The following MTIF2 variants were observed in gnomAD, a reference collection of about 807,000 sequenced individuals.
MTIF2 encodes the protein translation initiation factor IF-2, mitochondrial.
MTIF2 carries 71 observed loss-of-function variants against 83.5 expected under a neutral mutation model. The ratio of observed to expected loss-of-function variants is 0.85; its 90% CI spans 0.70 to 1.04. The LOEUF (loss-of-function observed/expected upper bound fraction) is 1.04, where lower values mean the gene tolerates loss of function less well. Ranked by LOEUF, MTIF2 falls within the 50% of genes least tolerant of loss-of-function variation. The pLI is 0.00. For synonymous variants in MTIF2, 319 were observed against 287.1 expected (o/e 1.11, Z -1.12); for missense variants, 957 against 846.5 (o/e 1.13, Z -1.62).
At chr2:55,251,843 G>A (rs1379197251) in intron 8 of MTIF2, among the ~76,000 whole-genome samples, 2 of 152,092 alleles carry the variant, frequency 1.3e-5, no homozygotes, top group Admixed American at 6.5e-5. Context: ...GGCTGGTCTC[G>A]AACTCCCAAT....
chr2:55,248,181 G>T (rs543086740), intron 9 of MTIF2, among the ~76,000 whole-genome samples: 1 of 152,174 alleles, frequency 6.6e-6, no homozygotes. Context: ...AAGTCACTGC[G>T]CCTGGCCAAA....
Position 55,236,659 on chromosome 2 carries a change from G to A in MTIF2, c.2173C>T (p.Pro725Ser), listed in dbSNP as rs373573131. The change falls in exon 16 of 16, where the codon CCA (proline) becomes TCA (serine). Residue 725 changes from proline (P) to serine (S), a missense_variant. Around this residue, in one of 3 missense-constraint regions of MTIF2, gnomAD observed 221 missense variants for 180.6 expected, o/e 1.22. Coordinates refer to ENST00000263629, the MANE Select transcript of MTIF2 (RefSeq NM_002453.3). ...TTTTTAATGTAATTTTAAAATCCTG[G>A]ATCCCAAGAAGTCTTGGCTTGAATT... Reference protein sequence around the residue: ...KQIQAKTSWDPGF With the variant: ...KQIQAKTSWDSGF 2 of 1,585,550 alleles carry A rather than the reference G, an allele frequency of 1.3e-6. No homozygotes were observed. Among genetic ancestry groups the A allele is most frequent in the Non-Finnish European group, 1.7e-6 (2 of 1,171,446 alleles).
At position 55,253,531 on chromosome 2, in the gene MTIF2, A is replaced by G. The variant is rs543394858; in HGVS notation, c.664+510T>C. ...CCGTCTCTACTAAAAATACAAAAAAATTAAGCCAGGCACGATGGCTCACAC... is the reference window on the plus strand; with the variant it reads ...CCGTCTCTACTAAAAATACAAAAAAGTTAAGCCAGGCACGATGGCTCACAC... On this transcript the variant is annotated intron_variant, in intron 7 of 15. Transcript: ENST00000263629. 5.9e-5 allele frequency among the ~76,000 whole-genome samples: 9 copies of G among 151,898 alleles called. No individual in the cohort carries two copies. In the South Asian group the frequency reaches 1.9e-3, roughly 32 times the overall value.
intron 5 of MTIF2, among the ~76,000 whole-genome samples, chr2:55,258,298 C>G (rs1407753104): frequency 2.0e-5 from 3 of 152,178 alleles, no homozygotes; most frequent in African/African-American, 4.8e-5. Flanking sequence ...CCCAAGGAAA[C>G]ACATTTTAAG....
intron 9 of MTIF2, among the ~76,000 whole-genome samples, chr2:55,248,411 T>C (rs551556830): frequency 5.3e-5 from 8 of 152,188 alleles, no homozygotes; most frequent in Non-Finnish European, 1.0e-4. Flanking sequence ...AGGAAGGTGG[T>C]AGAGTAACCC....
intron 5 of MTIF2, among the ~76,000 whole-genome samples, chr2:55,261,273 T>A (rs970661731): frequency 6.6e-6 from 1 of 152,188 alleles, no homozygotes; most frequent in African/African-American, 2.4e-5. Context: ...GCCTGGCTAC[T>A]ACCAGTATTT....
intron 14 of MTIF2, among the ~76,000 whole-genome samples, chr2:55,238,668 G>A (rs902007356): frequency 7.9e-5 from 12 of 152,172 alleles, no homozygotes; most frequent in East Asian, 3.8e-4. Context: ...TGGGATTACA[G>A]GCATGAGCCA....
chr2:55,242,918 CA>C, intron 13 of MTIF2, 21 bp downstream of exon 13: 10 of 1,595,430 alleles, frequency 6.3e-6, no homozygotes, highest in Non-Finnish European at 8.5e-6. Context: ...CACAGATTAA[CA>C]AGAAGAAATG....
rs745469182 is a variant in MTIF2, at chr2:55,263,722, G to A, written c.137C>T (p.Ala46Val). 3 of 1,614,150 alleles carry A rather than the reference G, an allele frequency of 1.9e-6. No individual in the cohort carries two copies. Among genetic ancestry groups the A allele is most frequent in the Non-Finnish European group, 2.5e-6 (3 of 1,180,030 alleles). ...TGGCCAGGGCCAGGCACACAGTTGA[G>A]CTGTCCACACAGGGTAAGCAGATGA... ...GFSSAYPVWT[A>V]QLCAWPWPTD... Residue 46 changes from alanine to valine, a missense_variant, in exon 4 of 16, where the codon GCT becomes GTT. Around this residue, in one of 3 missense-constraint regions of MTIF2, gnomAD observed 733 missense variants for 648.7 expected, o/e 1.13. Transcript: ENST00000263629.
At chr2:55,242,521 T>TACCAA (rs1366303562) in intron 13 of MTIF2, among the ~76,000 whole-genome samples, 1 of 152,174 alleles carries the variant, frequency 6.6e-6, no homozygotes, top group Non-Finnish European at 1.5e-5. Flanking sequence ...AGTTATCAAT[T>TACCAA]ACCAAAGATA....
chr2:55,249,433 C>T lies in MTIF2; in HGVS notation c.943G>A (p.Gly315Arg), dbSNP rs1372864953. ...LAYDVVCEDY[G>R]GDVQAVPVSA... ...ACAGGCACTGCTTGAACATCACCTC[C>T]ATAATCTTCACATACCACATCGTAA... The change falls in exon 9 of 16, where the codon GGA (glycine) becomes AGA (arginine). Residue 315 changes from glycine to arginine, a missense_variant. Physicochemically the swap from Gly to Arg is moderately radical, Grantham distance 125. Transcript: ENST00000263629. The T allele has an allele frequency of 6.2e-7, 1 of 1,614,170 alleles. No homozygotes were observed. Among genetic ancestry groups the T allele is most frequent in the South Asian group, 1.1e-5 (1 of 91,084 alleles).
intron 3 of MTIF2, chr2:55,266,362 A>T (rs1468733542): frequency 6.6e-6 from 1 of 151,836 alleles, no homozygotes; most frequent in East Asian, 1.9e-4. Context: ...CGTCTCTATT[A>T]AAAATACAAA....
intron 5 of MTIF2, among the ~76,000 whole-genome samples, chr2:55,256,537 C>T (rs934060799): frequency 1.3e-5 from 2 of 151,818 alleles, no homozygotes; most frequent in Non-Finnish European, 2.9e-5. Context: ...GAAACCCTGT[C>T]TCTACTAAAA....
chr2:55,266,570 G>A (rs1051876133), intron 3 of MTIF2: 3 of 148,186 alleles, frequency 2.0e-5, no homozygotes. Flanking sequence ...TCATAATATG[G>A]CATTTCTACA....
chr2:55,253,505 C>A (rs956483583), intron 7 of MTIF2, among the ~76,000 whole-genome samples: 2 of 151,904 alleles, frequency 1.3e-5, no homozygotes, highest in Non-Finnish European at 2.9e-5. Context: ...ATGGCAAAAC[C>A]CCGTCTCTAC....
Position 55,252,612 on chromosome 2 carries a change from G to A in MTIF2, c.706C>T (p.Pro236Ser). ...ATTGCTGAGAAAGCAGCATGTCCTG[G>A]AGTATCAAGAAAAGTTATCTTTTCC... ...SGEKITFLDT[P>S]GHAAFSAMRA... The change falls in exon 8 of 16, where the codon CCA becomes TCA. Residue 236 changes from proline (P) to serine (S), a missense_variant. Pro to Ser is a moderately conservative substitution (Grantham distance 74). This residue lies in a region of MTIF2 where 733 missense variants were observed against 648.7 expected (regional missense o/e 1.13). Transcript: ENST00000263629. 2 of 1,613,904 alleles carry A rather than the reference G, an allele frequency of 1.2e-6. No individual in the cohort carries two copies. Among genetic ancestry groups the A allele is most frequent in the Non-Finnish European group, 1.7e-6 (2 of 1,179,914 alleles).
chr2:55,264,576 C>T (rs1277088252), intron 3 of MTIF2, among the ~76,000 whole-genome samples: 2 of 152,056 alleles, frequency 1.3e-5, no homozygotes, highest in Non-Finnish European at 2.9e-5. Flanking sequence ...ACTCCTACCT[C>T]TCAAGCTTTT....
At position 55,244,111 on chromosome 2, in the gene MTIF2, G is replaced by C. The variant is rs371921856; in HGVS notation, c.1229C>G (p.Ala410Gly). ...AATTCCCACTGGCATGCTGGGATAG[G>C]CCTCATCAATTGTTTTTCCATTTTC... ...FDENGKTIDE[A>G]YPSMPVGITG... The change falls in exon 11 of 16, where the codon GCC (alanine) becomes GGC (glycine). Residue 410 changes from alanine (A) to glycine (G), a missense_variant. By Grantham distance (60) the Ala-to-Gly change is moderately conservative. This residue lies in a region of MTIF2 where 733 missense variants were observed against 648.7 expected (regional missense o/e 1.13). Coordinates refer to ENST00000263629, the MANE Select transcript of MTIF2 (RefSeq NM_002453.3). The C allele has an allele frequency of 6.2e-7, 1 of 1,614,038 alleles. No individual in the cohort carries two copies. Among genetic ancestry groups the C allele is most frequent in the African/African-American group, 1.3e-5 (1 of 75,034 alleles).
intron 1 of MTIF2, 152 bp downstream of exon 1, chr2:55,269,017 A>G (rs1277053800): frequency 1.3e-5 from 2 of 152,160 alleles, no homozygotes; most frequent in African/African-American, 4.8e-5. Context: ...ACGTGGGCTC[A>G]CGCAGGGATT....
Sources: gnomAD v4.1 joint callset for allele counts (sites outside exome capture counted in the v4.1 genomes callset) on GRCh38, gnomAD v4.1.1 for gene constraint, gnomAD v4.1.1 regional missense constraint, MANE v1.5 for transcripts, NCBI Gene and HGNC (gene_info 2026-07-23, HGNC 2026-07-21) for gene names.